The following MAD1L1 variants were observed in gnomAD, a reference collection of about 807,000 sequenced individuals.
MAD1L1 encodes the protein mitotic arrest deficient 1 like 1, also known as mitotic spindle assembly checkpoint protein MAD1.
Under a neutral mutation model 96.9 loss-of-function variants are expected in MAD1L1, and 95 were observed. The ratio of observed to expected loss-of-function variants is 0.98; its 90% CI spans 0.83 to 1.16. The LOEUF (loss-of-function observed/expected upper bound fraction) is 1.16, where lower values mean the gene tolerates loss of function less well. Ranked by LOEUF, MAD1L1 falls within the 50% of genes most tolerant of loss-of-function variation. The pLI, the probability that MAD1L1 is intolerant of heterozygous loss-of-function variation, is 0.00. For missense variants in MAD1L1, 1,007 were observed against 954.4 expected, an observed-to-expected ratio of 1.06 and a Z score of -0.73; for synonymous variants, 473 against 396.6, an observed-to-expected ratio of 1.19 and a Z score of -2.29.
chr7:2,213,276 G>A lies in MAD1L1; in HGVS notation c.925-3C>T. 1 of 1,614,048 alleles carries A rather than the reference G, an allele frequency of 6.2e-7. No homozygotes were observed. The highest frequency in any genetic ancestry group is 8.5e-7 in the Non-Finnish European group (1 of 1,179,982). Reference sequence around the variant, plus strand: ...CTTTGCAGCTTGGCCAGCAGCCTCTGAAAAGACAACAAAAGCACAGACCCT... The same window carrying A: ...CTTTGCAGCTTGGCCAGCAGCCTCTAAAAAGACAACAAAAGCACAGACCCT... On this transcript the variant is annotated splice_polypyrimidine_tract_variant and splice_region_variant and intron_variant, in intron 9 of 18. Transcript: ENST00000265854.
intron 18 of MAD1L1, among the ~76,000 whole-genome samples, chr7:1,834,626 G>C (rs192208792): frequency 0.014 from 2,149 of 152,364 alleles, 30 homozygotes; most frequent in Non-Finnish European, 0.023. Context: ...CCGATGTGTA[G>C]TTAAAACCTC....
At chr7:2,092,558 G>A (rs551402023) in intron 11 of MAD1L1, among the ~76,000 whole-genome samples, 105 of 150,750 alleles carry the variant, frequency 7.0e-4, no homozygotes, top group African/African-American at 2.5e-3. Flanking sequence ...TGCCCCGCCC[G>A]AGCATCCTCC....
chr7:2,212,050 G>C (rs1282724426), intron 10 of MAD1L1, among the ~76,000 whole-genome samples: 4 of 152,212 alleles, frequency 2.6e-5, no homozygotes, highest in Admixed American at 2.0e-4. Context: ...GCGCACACAG[G>C]GCAACCAGGA....
chr7:2,150,281 G>A (rs187432352), intron 10 of MAD1L1, among the ~76,000 whole-genome samples: 5 of 152,030 alleles, frequency 3.3e-5, no homozygotes, highest in African/African-American at 9.7e-5. Context: ...TCCTCTCTGC[G>A]AGTCAGCCAC....
At chr7:2,029,757 G>A (rs1161544106) in intron 12 of MAD1L1, among the ~76,000 whole-genome samples, 2 of 152,170 alleles carry the variant, frequency 1.3e-5, no homozygotes, top group Non-Finnish European at 2.9e-5. Flanking sequence ...GGTGGCAGGC[G>A]CAGGGCACTC....
intron 11 of MAD1L1, among the ~76,000 whole-genome samples, chr7:2,140,505 G>A (rs911614968): frequency 2.0e-5 from 3 of 152,254 alleles, no homozygotes; most frequent in Non-Finnish European, 2.9e-5. Flanking sequence ...CCAGGGAGAA[G>A]GGAGAAAAGA....
intron 17 of MAD1L1, among the ~76,000 whole-genome samples, chr7:1,914,104 G>A (rs1169157145): frequency 6.6e-6 from 1 of 152,180 alleles, no homozygotes; most frequent in African/African-American, 2.4e-5. Flanking sequence ...CCACAATGGG[G>A]GACATACTCT....
intron 18 of MAD1L1, among the ~76,000 whole-genome samples, chr7:1,842,349 G>A (rs1328912845): frequency 1.3e-5 from 2 of 152,222 alleles, no homozygotes; most frequent in African/African-American, 4.8e-5. Flanking sequence ...AGCTCCCTGC[G>A]GCTCCGGCCC....
intron 14 of MAD1L1, among the ~76,000 whole-genome samples, chr7:1,983,152 G>GCACACA (rs1554319178): frequency 3.7e-4 from 11 of 29,912 alleles, no homozygotes; most frequent in African/African-American, 8.2e-4. Context: ...GCGCGCGCGC[G>GCACACA]CGCACACACA....
intron 11 of MAD1L1, among the ~76,000 whole-genome samples, chr7:2,105,185 T>C (rs1229222936): frequency 6.6e-6 from 1 of 152,012 alleles, no homozygotes; most frequent in Non-Finnish European, 1.5e-5. Context: ...TGCTTGGGGA[T>C]ATTCCAGTGA....
At chr7:2,148,783 TG>T (rs566279082) in intron 11 of MAD1L1, 130 of 278,908 alleles carry the variant, frequency 4.7e-4, no homozygotes, top group Admixed American at 7.4e-4. Flanking sequence ...AGACTCAGGG[TG>T]GGCCCGCTAG....
chr7:2,050,587 G>C (rs565245133), intron 12 of MAD1L1, among the ~76,000 whole-genome samples: 1 of 152,186 alleles, frequency 6.6e-6, no homozygotes, highest in South Asian at 2.1e-4. Flanking sequence ...TTCTGACTGA[G>C]GCCAGGGACC....
At chr7:1,971,241 C>T (rs1202283868) in intron 15 of MAD1L1, among the ~76,000 whole-genome samples, 1 of 152,238 alleles carries the variant, frequency 6.6e-6, no homozygotes, top group Non-Finnish European at 1.5e-5. Context: ...GCCACCGCTG[C>T]TGCTGGGGGC....
chr7:1,869,091 G>A (rs6949794), intron 18 of MAD1L1, among the ~76,000 whole-genome samples: 49,495 of 152,022 alleles, frequency 0.33, 8,326 homozygotes, highest in East Asian at 0.46. Context: ...GGACGGTGAG[G>A]CCCGGGACGG....
rs1239968553 is a variant in MAD1L1 at position 1,816,102 on chromosome 7, G to A, written c.2125C>T (p.Leu709Phe). 2 of 1,612,272 alleles carry A rather than the reference G, an allele frequency of 1.2e-6. No homozygotes were observed. The highest frequency in any genetic ancestry group is 1.3e-5 in the African/African-American group (1 of 74,914). ...ACGGTCTGGCGGCTGAAGAGCTCGA[G>A]GGTGAGCGAGCTGAGGAAGGCAGGG... The part of the protein sequence containing the change: ...SIPAFLSSLT[L>F]ELFSRQTVA The change falls in exon 19 of 19, where the codon CTC becomes TTC. Residue 709 changes from leucine (L) to phenylalanine (F), a missense_variant. Leu to Phe is a conservative substitution (Grantham distance 22). Coordinates refer to ENST00000265854, the MANE Select transcript of MAD1L1 (RefSeq NM_001013836.2).
intron 18 of MAD1L1, among the ~76,000 whole-genome samples, chr7:1,830,208 C>T (rs1359741842): frequency 6.6e-6 from 1 of 152,198 alleles, no homozygotes; most frequent in Non-Finnish European, 1.5e-5. Context: ...ACCAGCCTGG[C>T]CAACATGGTG....
intron 18 of MAD1L1, chr7:1,847,625 C>T: frequency 2.1e-6 from 1 of 470,974 alleles, no homozygotes; most frequent in Middle Eastern, 3.2e-4. Flanking sequence ...CCTGGGCAGG[C>T]CTCGCCCCCT....
chr7:1,897,565 C>A (rs1384189092), intron 18 of MAD1L1, among the ~76,000 whole-genome samples: 1 of 152,216 alleles, frequency 6.6e-6, no homozygotes, highest in African/African-American at 2.4e-5. Flanking sequence ...AGTGGGGCCA[C>A]CTCCACCCTG....
At chr7:2,189,263 T>C (rs1482304832) in intron 10 of MAD1L1, among the ~76,000 whole-genome samples, 2 of 152,208 alleles carry the variant, frequency 1.3e-5, no homozygotes, top group Admixed American at 6.5e-5. Context: ...AGCAATGTAG[T>C]GGCTCCTAAA....
Sources: allele counts gnomAD v4.1 joint callset (sites outside exome capture counted in the v4.1 genomes callset), GRCh38; gene constraint gnomAD v4.1.1; transcripts MANE v1.5; gene names NCBI Gene and HGNC (gene_info 2026-07-23, HGNC 2026-07-21).